Variants in DCC observed in about 807,000 individuals in gnomAD.
DCC encodes the protein netrin receptor DCC.
In DCC, 58 loss-of-function variants were observed where a neutral mutation model predicts 172.5. That is an observed-to-expected ratio of 0.34 (90% CI 0.27 to 0.42). The LOEUF is 0.42. Among genes scored for constraint, DCC ranks in the 10% least tolerant of loss-of-function variants. DCC has a pLI of 1.00. For missense variants in DCC, 1,740 were observed against 1,791.0 expected, an observed-to-expected ratio of 0.97 and a Z score of 0.51; for synonymous variants, 709 against 644.5, an observed-to-expected ratio of 1.10 and a Z score of -1.52.
At chr18:52,412,688 G>A (rs1172028123) in intron 1 of DCC, among the ~76,000 whole-genome samples, 1 of 152,034 alleles carries the variant, frequency 6.6e-6, no homozygotes, top group African/African-American at 2.4e-5. Flanking sequence ...TACTTCAATG[G>A]TTCTAACTTT....
chr18:52,962,961 G>C (rs1296229393), intron 5 of DCC, among the ~76,000 whole-genome samples: 2 of 119,058 alleles, frequency 1.7e-5, no homozygotes, highest in African/African-American at 6.3e-5. Flanking sequence ...GTTGTGGGGT[G>C]GGGGGAGGGG....
At chr18:53,151,335 C>T (rs2144378395) in intron 7 of DCC, among the ~76,000 whole-genome samples, 1 of 152,312 alleles carries the variant, frequency 6.6e-6, no homozygotes, top group East Asian at 1.9e-4. Flanking sequence ...AAGTGACTGT[C>T]TCTAACTTTT....
At chr18:53,059,832 T>C (rs538764927) in intron 5 of DCC, among the ~76,000 whole-genome samples, 3 of 152,178 alleles carry the variant, frequency 2.0e-5, no homozygotes, top group African/African-American at 7.2e-5. Flanking sequence ...GTTGCTTGAG[T>C]TTTTTATTGG....
chr18:52,888,134 T>A (rs533309518), intron 2 of DCC, among the ~76,000 whole-genome samples: 7 of 152,372 alleles, frequency 4.6e-5, no homozygotes, highest in Middle Eastern at 3.4e-3. Flanking sequence ...GTATTAGCAC[T>A]GAGCATGCCC....
intron 1 of DCC, among the ~76,000 whole-genome samples, chr18:52,474,263 T>C (rs995554306): frequency 6.8e-6 from 1 of 146,102 alleles, no homozygotes; most frequent in Non-Finnish European, 1.5e-5. Flanking sequence ...AAGCAATTCA[T>C]ACACCATTAC....
chr18:53,500,040 G>A (rs1199687596), intron 27 of DCC, among the ~76,000 whole-genome samples: 1 of 152,164 alleles, frequency 6.6e-6, no homozygotes, highest in Non-Finnish European at 1.5e-5. Context: ...TTTTAAAAAT[G>A]AAGAAACTAA....
chr18:52,926,945 G>GATATATACACTATATATGGAT (rs2040215379), intron 5 of DCC, among the ~76,000 whole-genome samples: 2 of 67,054 alleles, frequency 3.0e-5, no homozygotes, highest in Non-Finnish European at 7.1e-5. Context: ...AAACGTATAT[G>GATATATACACTATATATGGAT]ATATATACAC....
chr18:52,838,169 T>G (rs759668778), intron 2 of DCC, among the ~76,000 whole-genome samples: 30 of 127,940 alleles, frequency 2.3e-4, no homozygotes, highest in Non-Finnish European at 4.1e-4. Flanking sequence ...CATCTACAAT[T>G]TTGAAGGAGC....
At chr18:52,681,754 C>T (rs2035753576) in intron 1 of DCC, among the ~76,000 whole-genome samples, 1 of 152,080 alleles carries the variant, frequency 6.6e-6, no homozygotes, top group Admixed American at 6.6e-5. Context: ...TCTTTTCAGT[C>T]TGCTTGTTCA....
At chr18:52,745,887 G>A (rs886557779) in intron 1 of DCC, among the ~76,000 whole-genome samples, 19 of 152,078 alleles carry the variant, frequency 1.2e-4, no homozygotes, top group African/African-American at 4.3e-4. Flanking sequence ...GCTAGTCTAG[G>A]GACTGTACTT....
At chr18:52,963,965 G>T (rs776972675) in intron 5 of DCC, among the ~76,000 whole-genome samples, 2 of 151,984 alleles carry the variant, frequency 1.3e-5, no homozygotes, top group African/African-American at 4.8e-5. Flanking sequence ...TTAAAAAGGT[G>T]CATAAGGAAA....
At chr18:53,157,835 C>A (rs1270062666) in intron 8 of DCC, among the ~76,000 whole-genome samples, 3 of 152,340 alleles carry the variant, frequency 2.0e-5, no homozygotes, top group African/African-American at 7.2e-5. Context: ...AAAAGCACTA[C>A]TGTGGCTAGC....
rs146739772 is a variant in DCC, at chr18:53,321,410, C to T, written c.2054-637C>T. Among the ~76,000 whole-genome samples the T allele has an allele frequency of 3.3e-5, 5 of 152,100 alleles. No homozygotes were observed. The East Asian group carries it at 7.7e-4, about 23-fold the overall frequency. ...ATTTTCATATATCAGATAAATGATC[C>T]ATGTGGTCTCTCTAGTTTACCTATG... On this transcript the variant is annotated intron_variant, in intron 13 of 28. Transcript: ENST00000442544.
intron 12 of DCC, among the ~76,000 whole-genome samples, chr18:53,285,203 A>T (rs10469020): frequency 0.18 from 26,654 of 152,092 alleles, 3,938 homozygotes; most frequent in African/African-American, 0.4. Flanking sequence ...CCAAAGCAAT[A>T]GGGAAAATGT....
At chr18:52,436,125 C>A (rs1418522668) in intron 1 of DCC, among the ~76,000 whole-genome samples, 1 of 152,172 alleles carries the variant, frequency 6.6e-6, no homozygotes, top group Non-Finnish European at 1.5e-5. Context: ...GAGGGCTAGA[C>A]CCGAAAAGAG....
chr18:53,071,320 GA>G lies in DCC; in HGVS notation c.1261+5159del, dbSNP rs1221069974. Among the ~76,000 whole-genome samples the G allele has an allele frequency of 3.9e-5, 6 of 152,124 alleles. No homozygotes were observed. In the South Asian group the frequency reaches 1.2e-3, roughly 32 times the overall value. On this transcript the variant is annotated intron_variant, in intron 7 of 28. Transcript: ENST00000442544. The stretch of plus-strand genomic sequence containing the variant: ...GTTTTTCTCTCCAGAAAATGCTAGG[GA>G]AAAATATTTGAAATGTATGCATTTT...
Position 53,205,368 on chromosome 18 carries a change from G to A in DCC, c.1722+4G>A, listed in dbSNP as rs369098079. ...GGTGTCCACAGGAAAAGAACAGGTA[G>A]GTGAAGGAATGGACCACACTGCTTC... On this transcript the variant is annotated splice_donor_region_variant and intron_variant, in intron 10 of 28. Transcript: ENST00000442544. 43 of 1,613,544 alleles carry A rather than the reference G, an allele frequency of 2.7e-5. No homozygotes were observed. Among genetic ancestry groups the A allele is most frequent in the Non-Finnish European group, 3.5e-5 (41 of 1,179,692 alleles).
chr18:53,209,263 T>A (rs1007477845), intron 11 of DCC, among the ~76,000 whole-genome samples: 1 of 151,954 alleles, frequency 6.6e-6, no homozygotes, highest in African/African-American at 2.4e-5. Context: ...TCATGAAAGG[T>A]TGGGAAATTT....
chr18:52,675,550 C>T (rs548352972), intron 1 of DCC, among the ~76,000 whole-genome samples: 65 of 152,288 alleles, frequency 4.3e-4, no homozygotes, highest in African/African-American at 1.5e-3. Flanking sequence ...ACCCTGACCA[C>T]CTTGGGTACA....
Sources: allele counts gnomAD v4.1 joint callset (sites outside exome capture counted in the v4.1 genomes callset), GRCh38; gene constraint gnomAD v4.1.1; transcripts MANE v1.5; gene names NCBI Gene and HGNC (gene_info 2026-07-23, HGNC 2026-07-21).